Variants in NDRG2 observed in about 807,000 individuals in gnomAD.
The protein encoded by NDRG2 is protein NDRG2.
A neutral mutation model predicts 58.2 loss-of-function variants in NDRG2; 34 were observed. That is an observed-to-expected ratio of 0.58 (90% CI 0.44 to 0.78). NDRG2 has a LOEUF of 0.78. Ranked by LOEUF, NDRG2 falls within the 30% of genes least tolerant of loss-of-function variation. NDRG2 has a pLI of 0.00. For synonymous variants in NDRG2, 187 were observed against 175.9 expected (o/e 1.06, Z -0.50); for missense variants, 434 against 471.2 (o/e 0.92, Z 0.73).
chr14:21,032,193 C>T (rs1216899205), intron 1 of NDRG2: 1 of 1,074,940 alleles, frequency 9.3e-7, no homozygotes, highest in Non-Finnish European at 1.4e-6. Context: ...CTGTGAGGGA[C>T]AGATGAGCCT....
intron 1 of NDRG2, chr14:21,043,829 G>T (rs976692269): frequency 1.9e-5 from 4 of 211,388 alleles, no homozygotes; most frequent in Non-Finnish European, 4.2e-5. Context: ...TTCTGTTCCT[G>T]AACTAGAAGT....
At chr14:21,065,816 G>A (rs527656340) in intron 1 of NDRG2, among the ~76,000 whole-genome samples, 2 of 152,286 alleles carry the variant, frequency 1.3e-5, no homozygotes, top group East Asian at 3.9e-4. Context: ...CTGAAAGAAG[G>A]GGCCGAATGC....
intron 1 of NDRG2, among the ~76,000 whole-genome samples, chr14:21,064,562 A>G (rs1886153375): frequency 6.6e-6 from 1 of 152,134 alleles, no homozygotes; most frequent in Admixed American, 6.5e-5. Context: ...TCGGCCTCCC[A>G]AAGTCCTGGG....
At chr14:21,066,052 T>C (rs1886245732) in intron 1 of NDRG2, among the ~76,000 whole-genome samples, 1 of 152,094 alleles carries the variant, frequency 6.6e-6, no homozygotes, top group Non-Finnish European at 1.5e-5. Context: ...TGAGTCCAGA[T>C]TGCAACACTG....
chr14:21,028,579 T>TA (rs1367010224), upstream of NDRG2: 1 of 152,186 alleles, frequency 6.6e-6, no homozygotes. Context: ...GTTAGTTGTA[T>TA]AGGTCCTTGA....
At chr14:21,025,433 C>T (rs1345499284), upstream of NDRG2, 8 of 985,578 alleles carry the variant, frequency 8.1e-6, no homozygotes, top group Non-Finnish European at 8.4e-6. The surrounding 1 kb of genome is among the most constrained non-coding windows in gnomAD (Gnocchi z 5.1). Flanking sequence ...CCTTCGCCCC[C>T]AGACTCAGTG....
chr14:21,029,978 G>C (rs555579281), upstream of NDRG2, among the ~76,000 whole-genome samples: 71 of 152,306 alleles, frequency 4.7e-4, no homozygotes, highest in Admixed American at 1.0e-3. Flanking sequence ...CTTCTGTTGT[G>C]GGGCAGAGCA....
chr14:21,048,931 G>A (rs1330079549), intron 1 of NDRG2, among the ~76,000 whole-genome samples: 5 of 152,200 alleles, frequency 3.3e-5, no homozygotes, highest in Non-Finnish European at 7.3e-5. Context: ...CTGTAGATAA[G>A]GTTATTTGGG....
chr14:21,047,702 G>T (rs1209141079), intron 1 of NDRG2, among the ~76,000 whole-genome samples: 1 of 152,142 alleles, frequency 6.6e-6, no homozygotes, highest in African/African-American at 2.4e-5. Flanking sequence ...TGTGCAGATG[G>T]ACTTAAATTG....
chr14:21,020,632 C>A, intron 7 of NDRG2, 50 bp from the exon 8 acceptor site: 3 of 1,597,828 alleles, frequency 1.9e-6, no homozygotes, highest in Non-Finnish European at 2.6e-6. Flanking sequence ...TGGCCTTATC[C>A]CCTCCCCGCT....
intron 1 of NDRG2, chr14:21,031,915 G>A (rs764949611): frequency 6.2e-7 from 1 of 1,614,106 alleles, no homozygotes; most frequent in Non-Finnish European, 8.5e-7. Flanking sequence ...TGGGTGCAGT[G>A]GACCGTTTGA....
intron 1 of NDRG2, chr14:21,032,005 A>G (rs778308455): frequency 1.2e-6 from 2 of 1,614,210 alleles, no homozygotes; most frequent in Non-Finnish European, 1.7e-6. Flanking sequence ...CGGGACGGGA[A>G]GAGATGACTG....
At chr14:21,043,174 A>C in intron 1 of NDRG2, 1 of 1,614,106 alleles carries the variant, frequency 6.2e-7, no homozygotes, top group Non-Finnish European at 8.5e-7. Context: ...ATTAACAAGC[A>C]CACAAAACGG....
rs1232650588 is a variant in NDRG2 at position 21,017,687 on chromosome 14, T to C, written c.1025A>G (p.Asn342Ser). 2.5e-6 allele frequency: 4 copies of C among 1,610,394 alleles called. No individual in the cohort carries two copies. The South Asian group carries it at 4.4e-5, about 18-fold the overall frequency. ...GGACAGGGTGCGAGAGCGGGACCGG[T>C]TGCCATCAACGGATGCTGCACTGGT... ...SLTSAASVDG[N>S]RSRSRTLSQS... Residue 342 changes from asparagine to serine, a missense_variant, in exon 16 of 16, where the codon AAC becomes AGC. Asn to Ser is a conservative substitution (Grantham distance 46). Coordinates refer to ENST00000556147, the MANE Select transcript of NDRG2 (RefSeq NM_001320329.2).
At chr14:21,033,433 G>C in intron 1 of NDRG2, 1 of 296,738 alleles carries the variant, frequency 3.4e-6, no homozygotes, top group East Asian at 8.7e-5. Context: ...GGATGGGGAG[G>C]TGAGACTCGG....
intron 1 of NDRG2, chr14:21,031,068 T>A (rs1186528751): frequency 6.2e-7 from 1 of 1,614,124 alleles, no homozygotes; most frequent in Non-Finnish European, 8.5e-7. Flanking sequence ...GTGAAGGAAC[T>A]GGGCCAGAAG....
chr14:21,053,498 G>T (rs555570268), intron 1 of NDRG2, among the ~76,000 whole-genome samples: 42 of 152,150 alleles, frequency 2.8e-4, no homozygotes, highest in South Asian at 2.5e-3. Flanking sequence ...GCGGCAGTGG[G>T]TGTCTGTAAT....
intron 1 of NDRG2, among the ~76,000 whole-genome samples, chr14:21,046,132 CATAG>C (rs1394825180): frequency 6.6e-6 from 1 of 152,042 alleles, no homozygotes; most frequent in Non-Finnish European, 1.5e-5. Context: ...GTAATTAAAT[CATAG>C]ATAGAATTAT....
chr14:21,030,301 T>G, upstream of NDRG2: 1 of 410,640 alleles, frequency 2.4e-6, no homozygotes, highest in East Asian at 4.5e-5. Context: ...CCGGGTACTC[T>G]AAGGTACATA....
Sources: gnomAD v4.1 joint callset for allele counts (sites outside exome capture counted in the v4.1 genomes callset) on GRCh38, gnomAD v4.1.1 for gene constraint, Gnocchi (gnomAD v3.1) non-coding constraint, MANE v1.5 for transcripts, NCBI Gene and HGNC (gene_info 2026-07-23, HGNC 2026-07-21) for gene names.